Variants in EIF4E observed in about 807,000 individuals in gnomAD.
EIF4E encodes the protein eIF-4F 25 kDa subunit.
For missense variants in EIF4E, 113 were observed against 265.6 expected, an observed-to-expected ratio of 0.43 and a Z score of 3.99; for synonymous variants, 71 against 88.5, an observed-to-expected ratio of 0.80 and a Z score of 1.11.
At chr4:98,917,628 G>GA (rs1057458301) in intron 1 of EIF4E, among the ~76,000 whole-genome samples, 5 of 151,896 alleles carry the variant, frequency 3.3e-5, no homozygotes, top group Admixed American at 2.0e-4. Flanking sequence ...GGTTAATGTA[G>GA]AAAAAACAAA....
chr4:98,883,362 C>A (rs1282014488), intron 6 of EIF4E, among the ~76,000 whole-genome samples: 4 of 150,688 alleles, frequency 2.7e-5, no homozygotes, highest in African/African-American at 9.7e-5. Context: ...GACTGACCAG[C>A]ACTTAATTTT....
intron 6 of EIF4E, among the ~76,000 whole-genome samples, chr4:98,884,237 G>A (rs1315919021): frequency 6.6e-6 from 1 of 152,020 alleles, no homozygotes; most frequent in Non-Finnish European, 1.5e-5. Flanking sequence ...TTATTATTAT[G>A]AGCATACATT....
At chr4:98,910,954 C>CGGAG (rs1466173163) in intron 1 of EIF4E, among the ~76,000 whole-genome samples, 1 of 152,058 alleles carries the variant, frequency 6.6e-6, no homozygotes, top group Admixed American at 6.5e-5. Flanking sequence ...TGGTCTTGAA[C>CGGAG]TCCTCCTGAC....
chr4:98,897,537 G>T (rs1378493626), intron 2 of EIF4E, among the ~76,000 whole-genome samples: 4 of 152,098 alleles, frequency 2.6e-5, no homozygotes, highest in Non-Finnish European at 4.4e-5. Flanking sequence ...TTGCACTCCA[G>T]CCTAGGCAAC....
chr4:98,922,843 CTTTTTTCT>C (rs1725705299), intron 1 of EIF4E, among the ~76,000 whole-genome samples: 2 of 139,454 alleles, frequency 1.4e-5, no homozygotes, highest in South Asian at 4.5e-4. Flanking sequence ...CCTGTTTTTT[CTTTTTTCT>C]TTTTTTTTTT....
intron 1 of EIF4E, chr4:98,909,903 G>A: frequency 1.7e-6 from 1 of 578,020 alleles, no homozygotes; most frequent in Non-Finnish European, 3.0e-6. Flanking sequence ...AATCATGGAG[G>A]AGGCGGCTGT....
At chr4:98,917,811 C>G (rs1725448326) in intron 1 of EIF4E, among the ~76,000 whole-genome samples, 1 of 152,202 alleles carries the variant, frequency 6.6e-6, no homozygotes, top group African/African-American at 2.4e-5. Flanking sequence ...CGTGATGGCT[C>G]ACACCTGTAA....
chr4:98,901,149 A>G (rs1428865049), intron 2 of EIF4E, among the ~76,000 whole-genome samples: 2 of 150,086 alleles, frequency 1.3e-5, no homozygotes, highest in Non-Finnish European at 3.0e-5. Context: ...GCTGTAAACC[A>G]CCCTATCTTA....
rs180693358 is a variant in EIF4E at position 98,907,419 on chromosome 4, T to G, written c.19-5437A>C. On this transcript the variant is annotated intron_variant, in intron 1 of 6. Transcript: ENST00000450253. The stretch of plus-strand genomic sequence containing the variant: ...TACCAAGGAACAGCATAAAGGACAT[T>G]GAAATCAAGCATCAAAAAAGGCACA... Among the ~76,000 whole-genome samples the G allele has an allele frequency of 7.2e-4, 109 of 151,658 alleles. 1 individual carries two copies. The highest frequency in any genetic ancestry group is 2.5e-3 in the African/African-American group (103 of 41,360).
intron 1 of EIF4E, among the ~76,000 whole-genome samples, chr4:98,921,084 G>A (rs1325430944): frequency 6.6e-6 from 1 of 152,050 alleles, no homozygotes; most frequent in African/African-American, 2.4e-5. Flanking sequence ...TCCTTTTGCG[G>A]CACCAAAACT....
At chr4:98,886,246 A>C (rs575175346) in intron 5 of EIF4E, 1 of 220,742 alleles carries the variant, frequency 4.5e-6, no homozygotes, top group Non-Finnish European at 9.3e-6. Flanking sequence ...TAGGGATACA[A>C]AAGAGACTAC....
intron 5 of EIF4E, among the ~76,000 whole-genome samples, chr4:98,886,175 A>C (rs763191254): frequency 6.6e-6 from 1 of 152,138 alleles, no homozygotes; most frequent in Non-Finnish European, 1.5e-5. Context: ...TCACTTATTC[A>C]AACATTTAAA....
At chr4:98,914,751 G>A (rs988682544) in intron 1 of EIF4E, among the ~76,000 whole-genome samples, 3 of 152,154 alleles carry the variant, frequency 2.0e-5, no homozygotes, top group African/African-American at 7.2e-5. Flanking sequence ...AACATCAGGA[G>A]TGAACCCTAA....
At chr4:98,920,010 C>T (rs1310773461) in intron 1 of EIF4E, among the ~76,000 whole-genome samples, 1 of 152,210 alleles carries the variant, frequency 6.6e-6, no homozygotes, top group Non-Finnish European at 1.5e-5. Flanking sequence ...CAGCCAGTGG[C>T]TACTGTATTG....
At position 98,913,323 on chromosome 4, in the gene EIF4E, AT is replaced by A. The variant is rs149221900; in HGVS notation, c.19-11342del. ...TCTGTAACAACTTCTTATCCAACAA[AT>A]TTTTTTTTTCTTCTTTTCTTGCCTT... is the stretch of plus-strand genomic sequence containing the variant. On this transcript the variant is annotated intron_variant, in intron 1 of 6. Transcript: ENST00000450253. Among the ~76,000 whole-genome samples the A allele has an allele frequency of 1.7e-4, 26 of 150,948 alleles. No individual in the cohort carries two copies. The South Asian group carries it at 3.4e-3, about 20-fold the overall frequency.
intron 1 of EIF4E, among the ~76,000 whole-genome samples, chr4:98,927,654 CAAAAAAAAAAAAAAAAAAAAAA>C (rs774720176): frequency 5.7e-5 from 2 of 35,050 alleles, no homozygotes; most frequent in Non-Finnish European, 1.1e-4. Context: ...GACTCCATCT[CAAAAAAAAAAAAAAAAAAAAAA>C]AAAAAAAAAA....
chr4:98,904,310 GA>G (rs1182650337), intron 1 of EIF4E, among the ~76,000 whole-genome samples: 1 of 152,094 alleles, frequency 6.6e-6, no homozygotes. Flanking sequence ...GAAAGAAAAA[GA>G]AACAATCCTC....
At chr4:98,909,705 C>G in intron 1 of EIF4E, 3 of 709,198 alleles carry the variant, frequency 4.2e-6, no homozygotes, top group African/African-American at 1.7e-5. Context: ...TTTCTGCCTG[C>G]TTTTTAATGG....
chr4:98,900,034 C>A (rs1383516829), intron 2 of EIF4E, among the ~76,000 whole-genome samples: 1 of 149,642 alleles, frequency 6.7e-6, no homozygotes, highest in African/African-American at 2.5e-5. Flanking sequence ...TTAAGAATCC[C>A]TTCTTAGACT....
Sources: gnomAD v4.1 joint callset for allele counts (sites outside exome capture counted in the v4.1 genomes callset) on GRCh38, gnomAD v4.1.1 for gene constraint, MANE v1.5 for transcripts, NCBI Gene and HGNC (gene_info 2026-07-23, HGNC 2026-07-21) for gene names.